SUMF1: variants seen among roughly 807,000 people sequenced by gnomAD.
The protein encoded by SUMF1 is formylglycine-generating enzyme.
A neutral mutation model predicts 47.6 loss-of-function variants in SUMF1; 48 were observed. The observed-to-expected ratio is 1.01, with a 90% confidence interval of 0.80 to 1.28. The LOEUF is 1.28. Ranked by LOEUF, SUMF1 falls within the 50% of genes most tolerant of loss-of-function variation. The pLI is 0.00. For synonymous variants in SUMF1, 230 were observed against 192.1 expected, an observed-to-expected ratio of 1.20 and a Z score of -1.63; for missense variants, 571 against 485.4, an observed-to-expected ratio of 1.18 and a Z score of -1.66.
intron 8 of SUMF1, among the ~76,000 whole-genome samples, chr3:4,262,359 G>C (rs1167827573): frequency 6.6e-6 from 1 of 152,140 alleles, no homozygotes; most frequent in Non-Finnish European, 1.5e-5. Flanking sequence ...TCTGCTCCCA[G>C]AAACTGCCTC....
Position 4,079,762 on chromosome 3 carries a change from G to A in SUMF1, c.1015-11017C>T, listed in dbSNP as rs75789816. 1.6e-3 allele frequency among the ~76,000 whole-genome samples: 241 copies of A among 150,516 alleles called. 3 individuals are homozygous for A. Among genetic ancestry groups the A allele is most frequent in the African/African-American group, 5.7e-3 (234 of 40,836 alleles). On this transcript the variant is annotated intron_variant and NMD_transcript_variant, in intron 8 of 12. Coordinates refer to the SUMF1 transcript ENST00000448413. ...AAGCAACTTGTCGTATCTGGCATGG[G>A]TCCTGGAGGTGACAGTGGCAGTAAC...
rs531085417 is a variant in SUMF1, at chr3:4,077,185, G to C, written c.1015-8440C>G. Among the ~76,000 whole-genome samples, 109 of 152,214 alleles carry C rather than the reference G, an allele frequency of 7.2e-4. 1 individual carries two copies. The highest frequency in any genetic ancestry group is 2.6e-3 in the African/African-American group (106 of 41,504). On this transcript the variant is annotated intron_variant and NMD_transcript_variant, in intron 8 of 12. Coordinates refer to the SUMF1 transcript ENST00000448413. ...ACGCTGGAGAGGATGTGGAGAAACA[G>C]GAATGCTTTTACACTGTTGGTGGGA...
At chr3:4,368,459 C>T (rs28483801) in intron 8 of SUMF1, among the ~76,000 whole-genome samples, 9,659 of 152,086 alleles carry the variant, frequency 0.064, 936 homozygotes, top group African/African-American at 0.21. Context: ...ACTAGAAATA[C>T]CATTTGACCC....
chr3:4,232,762 T>G (rs926733750), intron 8 of SUMF1, among the ~76,000 whole-genome samples: 1 of 152,076 alleles, frequency 6.6e-6, no homozygotes, highest in Non-Finnish European at 1.5e-5. Context: ...ATTCAATATC[T>G]AATACATTCT....
intron 8 of SUMF1, among the ~76,000 whole-genome samples, chr3:4,256,552 C>A (rs1164092186): frequency 6.8e-6 from 1 of 146,646 alleles, no homozygotes; most frequent in African/African-American, 2.5e-5. Context: ...TACACTCTCC[C>A]AAGACTAAAC....
At chr3:4,169,487 A>G (rs1694783488) in intron 8 of SUMF1, among the ~76,000 whole-genome samples, 1 of 152,180 alleles carries the variant, frequency 6.6e-6, no homozygotes, top group East Asian at 1.9e-4. Flanking sequence ...AAGGATTGCC[A>G]ACAACACCAG....
At chr3:4,297,564 A>AT (rs746612402) in intron 8 of SUMF1, among the ~76,000 whole-genome samples, 44,051 of 113,486 alleles carry the variant, frequency 0.39, 10,281 homozygotes, top group East Asian at 0.61. Flanking sequence ...CTACACCTGA[A>AT]TTTTTTTTTT....
At chr3:4,443,093 T>C (rs1047064403) in intron 3 of SUMF1, among the ~76,000 whole-genome samples, 4 of 134,074 alleles carry the variant, frequency 3.0e-5, no homozygotes, top group South Asian at 2.5e-4. Flanking sequence ...CTGAGCAACA[T>C]GACAAAACCC....
At chr3:4,230,393 A>AC (rs1389446369) in intron 8 of SUMF1, among the ~76,000 whole-genome samples, 1 of 152,076 alleles carries the variant, frequency 6.6e-6, no homozygotes, top group African/African-American at 2.4e-5. Flanking sequence ...AGTTCCTACA[A>AC]CCCACCTTTC....
intron 9 of SUMF1, among the ~76,000 whole-genome samples, chr3:4,047,040 C>T (rs575416259): frequency 2.9e-4 from 43 of 150,664 alleles, no homozygotes; most frequent in African/African-American, 1.0e-3. Context: ...ACACACCAAA[C>T]GTATTTCTGC....
intron 3 of SUMF1, among the ~76,000 whole-genome samples, chr3:4,432,525 T>A (rs1235587091): frequency 6.6e-6 from 1 of 152,114 alleles, no homozygotes; most frequent in East Asian, 1.9e-4. Flanking sequence ...TGACCCTACA[T>A]CACAGTCCCC....
intron 3 of SUMF1, among the ~76,000 whole-genome samples, chr3:4,423,243 T>C (rs1466556425): frequency 1.3e-5 from 2 of 149,928 alleles, no homozygotes; most frequent in East Asian, 3.9e-4. Context: ...CCAACCCAAA[T>C]GCCCACCAAT....
At chr3:4,397,931 T>C (rs900716678) in intron 7 of SUMF1, among the ~76,000 whole-genome samples, 4 of 152,106 alleles carry the variant, frequency 2.6e-5, no homozygotes, top group Admixed American at 2.6e-4. Context: ...TGACAGCCTC[T>C]ACCCTAGACA....
intron 8 of SUMF1, chr3:4,316,592 T>TC: frequency 6.4e-7 from 1 of 1,551,326 alleles, no homozygotes; most frequent in Non-Finnish European, 8.7e-7. Flanking sequence ...TGACTGAAAA[T>TC]CAAAAAAATC....
intron 8 of SUMF1, among the ~76,000 whole-genome samples, chr3:4,253,801 T>C (rs551392242): frequency 8.9e-5 from 13 of 146,614 alleles, no homozygotes; most frequent in Non-Finnish European, 7.5e-5. Context: ...GCTCCACCTC[T>C]GGGGGGCAGG....
chr3:4,166,045 G>C (rs1476019817), intron 8 of SUMF1, among the ~76,000 whole-genome samples: 2 of 152,140 alleles, frequency 1.3e-5, no homozygotes, highest in East Asian at 3.9e-4. Context: ...TTTCCTCCTA[G>C]ACCACAAAGA....
chr3:4,173,474 A>C (rs1694878409), intron 8 of SUMF1, among the ~76,000 whole-genome samples: 1 of 152,196 alleles, frequency 6.6e-6, no homozygotes, highest in Non-Finnish European at 1.5e-5. Context: ...CAGTGTGGCA[A>C]TTCCTCAAGG....
Position 4,276,914 on chromosome 3 carries a change from C to A in SUMF1, c.1014+99416G>T, listed in dbSNP as rs544085078. Reference sequence around the variant, plus strand: ...TATATAGATCTGGACACAATAATCTCCCACTGTCTTAAATAAGTTCACACT... The same window carrying A: ...TATATAGATCTGGACACAATAATCTACCACTGTCTTAAATAAGTTCACACT... On this transcript the variant is annotated intron_variant and NMD_transcript_variant, in intron 8 of 12. Transcript: ENST00000448413. Among the ~76,000 whole-genome samples, 192 of 152,214 alleles carry A rather than the reference C, an allele frequency of 1.3e-3. 2 individuals are homozygous for A. The highest frequency in any genetic ancestry group is 4.7e-3 in the Admixed American group (72 of 15,282).
chr3:4,062,317 C>T (rs1383201982), intron 9 of SUMF1, among the ~76,000 whole-genome samples: 1 of 152,102 alleles, frequency 6.6e-6, no homozygotes, highest in Non-Finnish European at 1.5e-5. Flanking sequence ...AACCTCAGCT[C>T]CCTTATGTGC....
Sources: allele counts gnomAD v4.1 joint callset (sites outside exome capture counted in the v4.1 genomes callset), GRCh38; gene constraint gnomAD v4.1.1; transcripts MANE v1.5; gene names NCBI Gene and HGNC (gene_info 2026-07-23, HGNC 2026-07-21).